Variants in ALDH1L2 observed in about 807,000 individuals in gnomAD.
ALDH1L2 encodes the protein aldehyde dehydrogenase 1 family member L2.
A neutral mutation model predicts 111.0 loss-of-function variants in ALDH1L2; 91 were observed. That is an observed-to-expected ratio of 0.82 (90% CI 0.69 to 0.98). The LOEUF (loss-of-function observed/expected upper bound fraction) is 0.98, where lower values mean the gene tolerates loss of function less well. Ranked by LOEUF, ALDH1L2 falls within the 50% of genes least tolerant of loss-of-function variation. The probability of loss-of-function intolerance (pLI) is 0.00; values close to 1 mark genes in which losing one functional copy is unlikely to be tolerated. For missense variants in ALDH1L2, 995 were observed against 1,126.8 expected (o/e 0.88, Z 1.67); for synonymous variants, 374 against 392.6 (o/e 0.95, Z 0.56).
At chr12:105,044,050 A>C (rs11112333) in intron 15 of ALDH1L2, among the ~76,000 whole-genome samples, 14,231 of 152,250 alleles carry the variant, frequency 0.093, 738 homozygotes, top group Middle Eastern at 0.13. Flanking sequence ...TTATCCAATA[A>C]AATTAAAAAG....
intron 10 of ALDH1L2, among the ~76,000 whole-genome samples, chr12:105,055,895 C>T (rs1056211173): frequency 1.3e-5 from 2 of 151,868 alleles, no homozygotes; most frequent in Non-Finnish European, 2.9e-5. Context: ...TGAACAGAGC[C>T]TCAGAGACTT....
At chr12:105,047,425 T>A (rs561864048) in intron 13 of ALDH1L2, 2 of 171,068 alleles carry the variant, frequency 1.2e-5, no homozygotes, top group East Asian at 3.2e-4. Flanking sequence ...CTTCCCTCCA[T>A]GTCTGCTTCC....
chr12:105,022,502 T>C lies in ALDH1L2; in HGVS notation c.*1922A>G, dbSNP rs901339597. 6.6e-6 allele frequency: 1 copy of C among 152,224 alleles called. No individual in the cohort carries two copies. The highest frequency in any genetic ancestry group is 1.5e-5 in the Non-Finnish European group (1 of 68,032). The allele number at this position is 152,224 out of a possible 1,614,324, so 9.4% of individuals were successfully genotyped here. ...AGGCATGTTTTTGTCTGCCATTCCATCTATCATTAAAATAATTTGATTAAA... is the reference window on the plus strand; with the variant it reads ...AGGCATGTTTTTGTCTGCCATTCCACCTATCATTAAAATAATTTGATTAAA... On this transcript the variant is annotated 3_prime_UTR_variant, in exon 23 of 23. Coordinates refer to ENST00000258494, the MANE Select transcript of ALDH1L2 (RefSeq NM_001034173.4).
At position 105,024,449 on chromosome 12, in the gene ALDH1L2, G is replaced by A. The variant is rs1169077196; in HGVS notation, c.2747C>T (p.Thr916Ile). 6.2e-7 allele frequency: 1 copy of A among 1,613,952 alleles called. No homozygotes were observed. The highest frequency in any genetic ancestry group is 8.5e-7 in the Non-Finnish European group (1 of 1,179,992). Reference sequence around the variant, plus strand: ...CTAATATTCCAGTGTCACCGTCTTGGTTTTGAGATATTCATTTAGAGCTTC... The same window carrying A: ...CTAATATTCCAGTGTCACCGTCTTGATTTTGAGATATTCATTTAGAGCTTC... ...GEEALNEYLK[T>I]KTVTLEY is the part of the protein sequence containing the mutation. The change falls in exon 23 of 23, where the codon ACC becomes ATC. Residue 916 changes from threonine to isoleucine, a missense_variant. Thr to Ile is a moderately conservative substitution (Grantham distance 89, BLOSUM62 -1). Coordinates refer to ENST00000258494, the MANE Select transcript of ALDH1L2 (RefSeq NM_001034173.4).
chr12:105,065,426 C>T (rs748923595), intron 5 of ALDH1L2, 70 bp from the exon 6 acceptor site: 23 of 1,294,018 alleles, frequency 1.8e-5, no homozygotes, highest in South Asian at 1.5e-4. Context: ...AAACGCTTCT[C>T]GTCATCAGAG....
intron 15 of ALDH1L2, among the ~76,000 whole-genome samples, chr12:105,046,092 A>G (rs1875829446): frequency 6.7e-6 from 1 of 148,388 alleles, no homozygotes; most frequent in African/African-American, 2.5e-5. Flanking sequence ...ATCCATCTGG[A>G]TATATTTTTA....
At chr12:105,037,669 A>G (rs185195471) in intron 18 of ALDH1L2, among the ~76,000 whole-genome samples, 6 of 152,354 alleles carry the variant, frequency 3.9e-5, no homozygotes, top group African/African-American at 1.4e-4. Flanking sequence ...CATAAAAACA[A>G]TGGTTTTAAT....
At chr12:105,076,990 G>C (rs1592811896) in intron 1 of ALDH1L2, among the ~76,000 whole-genome samples, 1 of 152,238 alleles carries the variant, frequency 6.6e-6, no homozygotes. Context: ...ACCTGGATCT[G>C]TCTTACTTTA....
At chr12:105,029,213 G>T (rs1463659469) in intron 21 of ALDH1L2, among the ~76,000 whole-genome samples, 7 of 152,042 alleles carry the variant, frequency 4.6e-5, no homozygotes, top group Non-Finnish European at 2.9e-5. Context: ...AAAAATTTTT[G>T]TAGAGACAGG....
At chr12:105,048,123 T>C (rs1876025916) in intron 13 of ALDH1L2, 1 of 152,226 alleles carries the variant, frequency 6.6e-6, no homozygotes, top group African/African-American at 2.4e-5. Flanking sequence ...TGAACCACAA[T>C]AAAAATTTCA....
chr12:105,070,789 T>G lies in ALDH1L2; in HGVS notation c.209A>C (p.Lys70Thr), dbSNP rs1565971871. Residue 70 changes from lysine to threonine, a missense_variant, in exon 3 of 23, where the codon AAA becomes ACA. Transcript: ENST00000258494. Reference sequence around the variant, plus strand: ...AAGCTTGAACACAGGGGTCCCATCTTTCTCTGCAGCCAAAGCTGAGCATAA... The same window carrying G: ...AAGCTTGAACACAGGGGTCCCATCTGTCTCTGCAGCCAAAGCTGAGCATAA... ...KADPLALAAE[K>T]DGTPVFKLPK... 1 of 1,612,844 alleles carries G rather than the reference T, an allele frequency of 6.2e-7. No individual in the cohort carries two copies. Among genetic ancestry groups the G allele is most frequent in the East Asian group, 2.2e-5 (1 of 44,882 alleles).
At chr12:105,081,065 T>G (rs1272773570) in intron 1 of ALDH1L2, among the ~76,000 whole-genome samples, 1 of 152,232 alleles carries the variant, frequency 6.6e-6, no homozygotes, top group Non-Finnish European at 1.5e-5. Context: ...ATAAGTTATC[T>G]ACGGATGATT....
At chr12:105,070,061 T>G (rs904964557) in intron 3 of ALDH1L2, among the ~76,000 whole-genome samples, 3 of 152,240 alleles carry the variant, frequency 2.0e-5, no homozygotes, top group Non-Finnish European at 4.4e-5. Flanking sequence ...TTGGGAACAT[T>G]GTGTATTCAG....
chr12:105,055,657 A>G (rs140846772), intron 10 of ALDH1L2, among the ~76,000 whole-genome samples: 181 of 151,216 alleles, frequency 1.2e-3, no homozygotes, highest in Middle Eastern at 3.4e-3. Flanking sequence ...AATATGTTCA[A>G]TGAACTAAAG....
intron 6 of ALDH1L2, 64 bp from the exon 7 acceptor site, chr12:105,063,086 A>C: frequency 6.6e-7 from 1 of 1,521,036 alleles, no homozygotes; most frequent in African/African-American, 1.4e-5. Flanking sequence ...CGGTATGTAT[A>C]AGCATCATTC....
At chr12:105,053,196 A>G (rs993320979) in intron 10 of ALDH1L2, among the ~76,000 whole-genome samples, 10 of 152,216 alleles carry the variant, frequency 6.6e-5, no homozygotes, top group African/African-American at 2.4e-4. Flanking sequence ...AACAGATAAA[A>G]GGTAACTCAC....
At chr12:105,066,503 G>C in intron 5 of ALDH1L2, 65 bp downstream of exon 5, 1 of 1,449,156 alleles carries the variant, frequency 6.9e-7, no homozygotes, top group Non-Finnish European at 9.6e-7. Context: ...ATAGTATGTG[G>C]GGAACTACTG....
chr12:105,063,530 G>A (rs1353999992), intron 6 of ALDH1L2, among the ~76,000 whole-genome samples: 1 of 152,148 alleles, frequency 6.6e-6, no homozygotes, highest in East Asian at 1.9e-4. Context: ...GAAATAGTCT[G>A]TGAATATGTC....
intron 18 of ALDH1L2, among the ~76,000 whole-genome samples, chr12:105,036,512 TTTTA>T (rs1875122824): frequency 1.1e-4 from 6 of 56,094 alleles, no homozygotes; most frequent in Non-Finnish European, 2.1e-4. Context: ...TATATATATA[TTTTA>T]TATATATATA....
Sources: gnomAD v4.1 joint callset for allele counts (sites outside exome capture counted in the v4.1 genomes callset) on GRCh38, gnomAD v4.1.1 for gene constraint, MANE v1.5 for transcripts, NCBI Gene and HGNC (gene_info 2026-07-23, HGNC 2026-07-21) for gene names.